The following ARFGEF1 variants were observed in gnomAD, a reference collection of about 807,000 sequenced individuals.
ARFGEF1 encodes the protein brefeldin A-inhibited guanine nucleotide-exchange protein 1.
A neutral mutation model predicts 231.0 loss-of-function variants in ARFGEF1; 42 were observed. The ratio of observed to expected loss-of-function variants is 0.18; its 90% CI spans 0.14 to 0.24. The LOEUF (loss-of-function observed/expected upper bound fraction) is 0.24. Ranked by LOEUF, ARFGEF1 falls within the 10% of genes least tolerant of loss-of-function variation. The pLI is 1.00. For synonymous variants in ARFGEF1, 710 were observed against 732.3 expected (o/e 0.97, Z 0.49); for missense variants, 1,345 against 2,192.0 (o/e 0.61, Z 7.72).
chr8:67,235,171 TAATAA>T (rs934092099), intron 22 of ARFGEF1, among the ~76,000 whole-genome samples: 9 of 150,140 alleles, frequency 6.0e-5, no homozygotes, highest in Non-Finnish European at 4.4e-5. Context: ...AAATCATTAA[TAATAA>T]AATATTTAAA....
chr8:67,259,735 C>G, intron 15 of ARFGEF1, 80 bp downstream of exon 15: 1 of 980,398 alleles, frequency 1.0e-6, no homozygotes, highest in South Asian at 1.7e-5. Flanking sequence ...GGCAATATAG[C>G]GAGACCCTGT....
chr8:67,249,079 G>T (rs2128883496), intron 19 of ARFGEF1, among the ~76,000 whole-genome samples: 1 of 150,262 alleles, frequency 6.7e-6, no homozygotes, highest in Middle Eastern at 3.4e-3. Context: ...CTTAACACAA[G>T]CCAGGAACTA....
At chr8:67,301,742 G>A (rs1258734351) in intron 2 of ARFGEF1, among the ~76,000 whole-genome samples, 1 of 152,106 alleles carries the variant, frequency 6.6e-6, no homozygotes, top group East Asian at 1.9e-4. Flanking sequence ...AAGTCAAAGT[G>A]AGTTTTTTTA....
chr8:67,284,473 C>T (rs746466479), intron 7 of ARFGEF1, among the ~76,000 whole-genome samples: 53 of 152,094 alleles, frequency 3.5e-4, no homozygotes, highest in Non-Finnish European at 5.7e-4. Context: ...TTTAAAAAAA[C>T]GAACCAATAA....
At chr8:67,274,915 A>G (rs1350130328) in intron 9 of ARFGEF1, among the ~76,000 whole-genome samples, 1 of 152,078 alleles carries the variant, frequency 6.6e-6, no homozygotes, top group Non-Finnish European at 1.5e-5. Context: ...TTGAATGTTG[A>G]TTTCTGACTT....
chr8:67,333,469 G>A (rs961314042), intron 1 of ARFGEF1, among the ~76,000 whole-genome samples: 9 of 151,496 alleles, frequency 5.9e-5, no homozygotes, highest in African/African-American at 2.2e-4. Context: ...ACCACACCCA[G>A]TAATTTTTTT....
At position 67,208,629 on chromosome 8, in the gene ARFGEF1, CA is replaced by C. The variant is rs1226322166; in HGVS notation, c.4819+2853del. Reference sequence around the variant, plus strand: ...TGAGCGACAGAGTGAGACTCCATCTCAAAAAAAAAAAAAAAAAAACCAACAA... The same window carrying C: ...TGAGCGACAGAGTGAGACTCCATCTCAAAAAAAAAAAAAAAAAACCAACAA... On this transcript the variant is annotated intron_variant, in intron 34 of 38. Coordinates refer to ENST00000262215, the MANE Select transcript of ARFGEF1 (RefSeq NM_006421.5). 9.9e-3 allele frequency among the ~76,000 whole-genome samples: 502 copies of C among 50,520 alleles called. 4 individuals are homozygous for C. Among genetic ancestry groups the C allele is most frequent in the South Asian group, 0.027 (40 of 1,478 alleles). The allele number at this position is 50,520 out of a possible 152,430, so 33.1% of individuals were successfully genotyped here. A position where few individuals can be genotyped will look rare whatever the true frequency, so the allele number is the denominator to read the frequency against.
chr8:67,343,014 T>C, intron 1 of ARFGEF1, 150 bp downstream of exon 1: 1 of 920,286 alleles, frequency 1.1e-6, no homozygotes, highest in Non-Finnish European at 1.6e-6. Context: ...TCCTGTCAAC[T>C]CCAGACAGGG....
chr8:67,241,545 T>C (rs748817921), intron 19 of ARFGEF1, among the ~76,000 whole-genome samples: 14 of 152,118 alleles, frequency 9.2e-5, no homozygotes, highest in Admixed American at 4.6e-4. Flanking sequence ...AACTAAATAA[T>C]ATCCAGGCAA....
rs760997022 is a variant in ARFGEF1, at chr8:67,301,189, TAC to T, written c.312+33_312+34del. ...TAATGTTTTAGAAACACATTCAAAG[TAC>T]ACAGTTTTTAGAAAGTGCCATTTTA... On this transcript the variant is annotated intron_variant, in intron 3 of 38. Transcript: ENST00000262215. 6.0e-5 allele frequency: 92 copies of T among 1,531,048 alleles called. No homozygotes were observed. In the Admixed American group the frequency reaches 1.3e-3, roughly 22 times the overall value. The allele number at this position is 1,531,048 out of a possible 1,614,324, so 94.8% of individuals were successfully genotyped here.
chr8:67,281,820 A>C (rs1805548389), intron 7 of ARFGEF1, among the ~76,000 whole-genome samples: 1 of 152,100 alleles, frequency 6.6e-6, no homozygotes, highest in Non-Finnish European at 1.5e-5. Flanking sequence ...CTCAACCAAA[A>C]TATTATCAAA....
At chr8:67,313,811 G>A (rs1807181457) in intron 1 of ARFGEF1, among the ~76,000 whole-genome samples, 1 of 152,154 alleles carries the variant, frequency 6.6e-6, no homozygotes, top group African/African-American at 2.4e-5. Flanking sequence ...AGTAGACAGG[G>A]CCCTAGAACT....
chr8:67,186,419 A>T (rs1235387729), intron 5 of ARFGEF1, among the ~76,000 whole-genome samples: 4 of 23,186 alleles, frequency 1.7e-4, no homozygotes, highest in Admixed American at 3.4e-4. Context: ...GTTTTAAATT[A>T]AAAAAAAAAA....
intron 9 of ARFGEF1, among the ~76,000 whole-genome samples, chr8:67,273,403 GTTT>G (rs1177832210): frequency 5.1e-4 from 32 of 62,380 alleles, no homozygotes; most frequent in African/African-American, 1.8e-3. Flanking sequence ...CTAGCAGTTG[GTTT>G]TTTTTTTTTT....
chr8:67,244,266 A>AAAAAAAAAAAAAAAAAAAACAAAAC (rs1563860748), intron 19 of ARFGEF1, among the ~76,000 whole-genome samples: 1 of 17,214 alleles, frequency 5.8e-5, no homozygotes, highest in African/African-American at 2.9e-4. Context: ...AAAAAAAAAA[A>AAAAAAAAAAAAAAAAAAAACAAAAC]AACATTCGAC....
At chr8:67,179,782 C>T (rs1832577778) in intron 5 of ARFGEF1, 2 of 908,070 alleles carry the variant, frequency 2.2e-6, no homozygotes, top group Non-Finnish European at 3.6e-6. Flanking sequence ...AGTGTGGAAA[C>T]TTGTGCCTCT....
At chr8:67,263,686 T>A (rs1804731732) in intron 14 of ARFGEF1, among the ~76,000 whole-genome samples, 1 of 152,140 alleles carries the variant, frequency 6.6e-6, no homozygotes, top group South Asian at 2.1e-4. Context: ...CCACTTAACA[T>A]TCATAAAATG....
intron 4 of ARFGEF1, among the ~76,000 whole-genome samples, chr8:67,297,034 C>A (rs1220192692): frequency 1.3e-5 from 2 of 152,140 alleles, no homozygotes; most frequent in Non-Finnish European, 2.9e-5. Flanking sequence ...GAAACAATTA[C>A]CACTTGCGGG....
chr8:67,186,788 A>G (rs1834722165), intron 5 of ARFGEF1, among the ~76,000 whole-genome samples: 1 of 152,240 alleles, frequency 6.6e-6, no homozygotes, highest in Non-Finnish European at 1.5e-5. Context: ...AATCAACTAA[A>G]AAATGCCTGG....
Sources: gnomAD v4.1 joint callset for allele counts (sites outside exome capture counted in the v4.1 genomes callset) on GRCh38, gnomAD v4.1.1 for gene constraint, MANE v1.5 for transcripts, NCBI Gene and HGNC (gene_info 2026-07-23, HGNC 2026-07-21) for gene names.